Variants in NOD1 observed in about 807,000 individuals in gnomAD.
NOD1 encodes the protein nucleotide binding oligomerization domain containing 1.
In NOD1, 70 loss-of-function variants were observed where a neutral mutation model predicts 81.2. The ratio of observed to expected loss-of-function variants is 0.86; its 90% CI spans 0.71 to 1.05. The LOEUF is 1.05. Among genes scored for constraint, NOD1 ranks in the 50% least tolerant of loss-of-function variants. The probability of loss-of-function intolerance (pLI) is 0.00; values close to 1 mark genes in which losing one functional copy is unlikely to be tolerated. For synonymous variants in NOD1, 508 were observed against 526.9 expected (o/e 0.96, Z 0.49); for missense variants, 1,233 against 1,228.0 (o/e 1.00, Z -0.06).
intron 13 of NOD1, among the ~76,000 whole-genome samples, chr7:30,427,473 G>A (rs1458574812): frequency 6.6e-6 from 1 of 152,214 alleles, no homozygotes; most frequent in Non-Finnish European, 1.5e-5. Flanking sequence ...GTGGCCTGGT[G>A]TGGCAGTCCC....
In NOD1 at chr7:30,452,031, C is replaced by A. The variant is rs140103385; in HGVS notation, c.1386G>T (p.Ser462=). The change falls in exon 6 of 14, where the codon TCG becomes TCT. Residue 462 remains serine (S), a synonymous_variant. Transcript: ENST00000222823. ...TGCCCCGGTGGGCCACCTGCCCCAG[C>A]GAGCACAGAGTGTCCCGGCCGGCGT... is the stretch of plus-strand genomic sequence containing the variant. ...TLHAGRDTLC[S]LGQVAHRGME... is the part of the protein sequence containing the mutation. 6.2e-7 allele frequency: 1 copy of A among 1,613,502 alleles called. No individual in the cohort carries two copies. The highest frequency in any genetic ancestry group is 1.7e-5 in the Admixed American group (1 of 60,034).
At chr7:30,455,902 T>C (rs1050901156) in intron 4 of NOD1, among the ~76,000 whole-genome samples, 1 of 152,206 alleles carries the variant, frequency 6.6e-6, no homozygotes, top group Non-Finnish European at 1.5e-5. Flanking sequence ...GTGCCCAGCC[T>C]TCTCCTTGTC....
chr7:30,464,325 G>A (rs1787462856), intron 1 of NOD1, among the ~76,000 whole-genome samples: 1 of 152,194 alleles, frequency 6.6e-6, no homozygotes, highest in South Asian at 2.1e-4. Flanking sequence ...GTGACCCGTG[G>A]GATAGCTGCA....
Position 30,448,137 on chromosome 7 carries a change from C to T in NOD1, c.2285+161G>A, listed in dbSNP as rs5743353. Among the ~76,000 whole-genome samples the T allele has an allele frequency of 1.1e-3, 171 of 152,240 alleles. 4 individuals are homozygous for T. Among genetic ancestry groups the T allele is most frequent in the African/African-American group, 3.7e-3 (153 of 41,532 alleles). ...GGCTCAGCAAGACTTCATGACTGGC[C>T]GAGCCACAAAGAGAACCCAGGACTC... On this transcript the variant is annotated intron_variant, in intron 7 of 13. Transcript: ENST00000222823.
intron 1 of NOD1, among the ~76,000 whole-genome samples, chr7:30,470,045 T>G (rs542073197): frequency 5.3e-5 from 8 of 152,364 alleles, no homozygotes; most frequent in Non-Finnish European, 1.0e-4. Context: ...CTTTGTGTCC[T>G]AAGTTGATTA....
chr7:30,478,499 G>C lies in NOD1; in HGVS notation c.-352+107C>G, dbSNP rs1441719067. On this transcript the variant is annotated intron_variant, in intron 1 of 13. Coordinates refer to ENST00000222823, the MANE Select transcript of NOD1 (RefSeq NM_006092.4). The surrounding 1 kb of genome is among the most constrained non-coding windows in gnomAD (Gnocchi z 4.1). The stretch of plus-strand genomic sequence containing the variant: ...CCCAGAGCTCCTCCAGAGCCGCGCT[G>C]CGTTCCGCCCGCACGCAAATCCCGC... 6.6e-6 allele frequency: 1 copy of C among 152,468 alleles called. No homozygotes were observed. The highest frequency in any genetic ancestry group is 1.5e-5 in the Non-Finnish European group (1 of 68,270). 9.4% of individuals were successfully genotyped at this position (152,468 alleles called of 1,614,324 possible).
intron 1 of NOD1, chr7:30,460,386 C>T: frequency 2.0e-6 from 2 of 985,336 alleles, no homozygotes; most frequent in Non-Finnish European, 2.4e-6. Context: ...TGAAGACGGT[C>T]TGGTCCTCTC....
chr7:30,436,688 C>G (rs1037567452), intron 10 of NOD1, among the ~76,000 whole-genome samples: 11 of 152,214 alleles, frequency 7.2e-5, no homozygotes, highest in Non-Finnish European at 8.8e-5. Context: ...TTAGGAAACC[C>G]TCCCTCTACC....
chr7:30,460,548 G>A (rs911682121), intron 1 of NOD1: 1 of 985,174 alleles, frequency 1.0e-6, no homozygotes, highest in African/African-American at 1.7e-5. Context: ...GATACCCAAA[G>A]GAAAAAACCA....
chr7:30,460,980 C>A (rs768662408), intron 1 of NOD1, among the ~76,000 whole-genome samples: 1 of 152,074 alleles, frequency 6.6e-6, no homozygotes, highest in Non-Finnish European at 1.5e-5. Context: ...TGCAGGATGG[C>A]GGATCTTCAA....
At chr7:30,428,779 G>A (rs1783687672) in intron 13 of NOD1, among the ~76,000 whole-genome samples, 2 of 152,198 alleles carry the variant, frequency 1.3e-5, no homozygotes, top group African/African-American at 4.8e-5. Context: ...AGGCAATTAA[G>A]TTGTTAAGGG....
At chr7:30,454,695 C>T (rs1245074246) in intron 5 of NOD1, among the ~76,000 whole-genome samples, 1 of 151,904 alleles carries the variant, frequency 6.6e-6, no homozygotes, top group African/African-American at 2.4e-5. Context: ...TGTAGGGGCA[C>T]AATCATAGCT....
Position 30,452,985 on chromosome 7 carries a change from C to A in NOD1, c.432G>T (p.Val144=), listed in dbSNP as rs758245385. ...RHHLGRDSKF[V]LCYAQKEELL... is the part of the protein sequence containing the mutation. Reference sequence around the variant, plus strand: ...GCTCCTCCTTCTGGGCATAGCACAGCACGAACTTGGAGTCACGGCCCAGAT... The same window carrying A: ...GCTCCTCCTTCTGGGCATAGCACAGAACGAACTTGGAGTCACGGCCCAGAT... Residue 144 remains valine (V), a synonymous_variant, in exon 6 of 14, where the codon GTG becomes GTT. Coordinates refer to ENST00000222823, the MANE Select transcript of NOD1 (RefSeq NM_006092.4). 1.2e-5 allele frequency: 20 copies of A among 1,613,764 alleles called. No individual in the cohort carries two copies. In the South Asian group the frequency reaches 2.2e-4, roughly 18 times the overall value.
chr7:30,447,949 C>G, intron 7 of NOD1: 1 of 228,432 alleles, frequency 4.4e-6, no homozygotes, highest in East Asian at 1.0e-4. Flanking sequence ...CCCAAAGGCT[C>G]TGGATGAGGG....
intron 5 of NOD1, among the ~76,000 whole-genome samples, chr7:30,454,033 G>A (rs1302989893): frequency 6.6e-6 from 1 of 151,906 alleles, no homozygotes; most frequent in Non-Finnish European, 1.5e-5. Flanking sequence ...TTTTTTTCAT[G>A]GGGGAAGGAA....
chr7:30,436,936 G>A (rs1784429280), intron 10 of NOD1, among the ~76,000 whole-genome samples: 1 of 152,152 alleles, frequency 6.6e-6, no homozygotes, highest in African/African-American at 2.4e-5. Flanking sequence ...TATGTTTATT[G>A]TAGCACTATT....
At position 30,467,959 on chromosome 7, in the gene NOD1, C is replaced by T. The variant is rs1369714858; in HGVS notation, c.-351-7918G>A. ...TCAGGTGATCCACCTGCCTCGACCTCCCAAAGTGCTAGGATTACAGGAGTG... is the reference window on the plus strand; with the variant it reads ...TCAGGTGATCCACCTGCCTCGACCTTCCAAAGTGCTAGGATTACAGGAGTG... On this transcript the variant is annotated intron_variant, in intron 1 of 13. Coordinates refer to ENST00000222823, the MANE Select transcript of NOD1 (RefSeq NM_006092.4). The surrounding 1 kb of genome is among the most constrained non-coding windows in gnomAD (Gnocchi z 4.5). 6.6e-6 allele frequency among the ~76,000 whole-genome samples: 1 copy of T among 152,154 alleles called. No individual in the cohort carries two copies. Among genetic ancestry groups the T allele is most frequent in the Non-Finnish European group, 1.5e-5 (1 of 68,026 alleles).
chr7:30,475,449 G>A (rs1026211135), intron 1 of NOD1, among the ~76,000 whole-genome samples: 1 of 152,344 alleles, frequency 6.6e-6, no homozygotes, highest in Non-Finnish European at 1.5e-5. Flanking sequence ...AGAGGAAAAG[G>A]ACGCTTCAGT....
At chr7:30,446,330 G>A (rs879026052) in intron 8 of NOD1, 106 bp from the exon 9 acceptor site, 70 of 847,240 alleles carry the variant, frequency 8.3e-5, no homozygotes, top group South Asian at 5.1e-4. Flanking sequence ...CTTGGGAACC[G>A]TACACTTTCT....
Sources: gnomAD v4.1 joint callset for allele counts (sites outside exome capture counted in the v4.1 genomes callset) on GRCh38, gnomAD v4.1.1 for gene constraint, Gnocchi (gnomAD v3.1) non-coding constraint, MANE v1.5 for transcripts, NCBI Gene and HGNC (gene_info 2026-07-23, HGNC 2026-07-21) for gene names.